The following EXOC6B variants were observed in gnomAD, a reference collection of about 807,000 sequenced individuals.
EXOC6B encodes SEC15 homolog B.
A neutral mutation model predicts 113.5 loss-of-function variants in EXOC6B; 54 were observed. The ratio of observed to expected loss-of-function variants is 0.48; its 90% CI spans 0.38 to 0.60. EXOC6B has a LOEUF of 0.60. Among genes scored for constraint, EXOC6B ranks in the 20% least tolerant of loss-of-function variants. The pLI is 0.00. For synonymous variants in EXOC6B, 357 were observed against 339.0 expected, an observed-to-expected ratio of 1.05 and a Z score of -0.58; for missense variants, 797 against 977.5, an observed-to-expected ratio of 0.82 and a Z score of 2.46.
At chr2:72,246,314 A>G (rs1428092583) in intron 20 of EXOC6B, among the ~76,000 whole-genome samples, 2 of 152,116 alleles carry the variant, frequency 1.3e-5, no homozygotes, top group Non-Finnish European at 2.9e-5. Flanking sequence ...TTCCCCTTTC[A>G]TAGAATCCAA....
intron 20 of EXOC6B, among the ~76,000 whole-genome samples, chr2:72,235,119 T>C (rs956033831): frequency 6.6e-6 from 1 of 152,192 alleles, no homozygotes; most frequent in African/African-American, 2.4e-5. Context: ...GCAGCACTAT[T>C]CACAATAACA....
rs369730740 is a variant in EXOC6B at position 72,378,273 on chromosome 2, T to G, written c.2122+1456A>C. 1.2e-3 allele frequency among the ~76,000 whole-genome samples: 180 copies of G among 152,314 alleles called. 2 individuals carry two copies. Among genetic ancestry groups the G allele is most frequent in the African/African-American group, 4.2e-3 (174 of 41,570 alleles). On this transcript the variant is annotated intron_variant, in intron 19 of 21. Transcript: ENST00000272427. Reference sequence around the variant, plus strand: ...TAGAACTACTTCTTTGAACAACTCCTTGCTCTCTGGTACCTTGCTCCACCA... The same window carrying G: ...TAGAACTACTTCTTTGAACAACTCCGTGCTCTCTGGTACCTTGCTCCACCA...
chr2:72,401,564 T>TATATATATATAC (rs1693232067), intron 18 of EXOC6B, among the ~76,000 whole-genome samples: 2 of 25,684 alleles, frequency 7.8e-5, no homozygotes, highest in Non-Finnish European at 1.2e-4. Flanking sequence ...TATATATATA[T>TATATATATATAC]ACATATATAT....
intron 6 of EXOC6B, among the ~76,000 whole-genome samples, chr2:72,636,110 C>G (rs1412496673): frequency 6.6e-6 from 1 of 152,028 alleles, no homozygotes; most frequent in Non-Finnish European, 1.5e-5. Flanking sequence ...GCAGTTCCAG[C>G]TACTCAGGAG....
At chr2:72,307,257 G>A (rs777440842) in intron 20 of EXOC6B, among the ~76,000 whole-genome samples, 1 of 150,380 alleles carries the variant, frequency 6.6e-6, no homozygotes, top group Non-Finnish European at 1.5e-5. Flanking sequence ...CCCCTGCCTC[G>A]GCCTCCCGAG....
intron 20 of EXOC6B, among the ~76,000 whole-genome samples, chr2:72,267,842 C>G (rs1357166860): frequency 6.6e-6 from 1 of 152,038 alleles, no homozygotes; most frequent in Admixed American, 6.6e-5. Context: ...GTCATCTCAA[C>G]AAATAAAAAT....
At chr2:72,707,035 C>T (rs1000314141) in intron 6 of EXOC6B, among the ~76,000 whole-genome samples, 1 of 152,062 alleles carries the variant, frequency 6.6e-6, no homozygotes, top group Non-Finnish European at 1.5e-5. Context: ...GGGCCCCCTT[C>T]CAGCTCTCAA....
intron 1 of EXOC6B, among the ~76,000 whole-genome samples, chr2:72,810,828 C>G (rs145364767): frequency 7.4e-4 from 112 of 152,146 alleles, no homozygotes; most frequent in African/African-American, 2.6e-3. Flanking sequence ...CTGAGGCTGG[C>G]AGATCACTTG....
intron 20 of EXOC6B, among the ~76,000 whole-genome samples, chr2:72,204,161 T>G (rs1441086855): frequency 6.6e-6 from 1 of 152,204 alleles, no homozygotes; most frequent in African/African-American, 2.4e-5. Context: ...TTTGTCTTAT[T>G]AGTGTTCAGC....
At chr2:72,753,900 A>T (rs1211599657) in intron 1 of EXOC6B, among the ~76,000 whole-genome samples, 1 of 152,120 alleles carries the variant, frequency 6.6e-6, no homozygotes, top group Non-Finnish European at 1.5e-5. Flanking sequence ...TACAACTACT[A>T]TAACCTGATA....
rs1243414263 is a variant in EXOC6B at position 72,317,252 on chromosome 2, AAT to A, written c.2196+17693_2196+17694del. On this transcript the variant is annotated intron_variant, in intron 20 of 21. Coordinates refer to ENST00000272427, the MANE Select transcript of EXOC6B (RefSeq NM_015189.3). ...AAACAGATCAAGAGAAGTAAGAAAA[AAT>A]AGAGTTTCATACTTTGCAGAAATAA... 2.6e-5 allele frequency among the ~76,000 whole-genome samples: 4 copies of A among 152,218 alleles called. No homozygotes were observed. In the East Asian group the frequency reaches 5.8e-4, roughly 22 times the overall value.
chr2:72,629,854 T>C (rs187619637), intron 6 of EXOC6B, among the ~76,000 whole-genome samples: 75 of 152,296 alleles, frequency 4.9e-4, no homozygotes, highest in Admixed American at 7.9e-4. Context: ...ACCCACAACA[T>C]GCCATCCCCA....
intron 6 of EXOC6B, among the ~76,000 whole-genome samples, chr2:72,697,155 G>C (rs185425988): frequency 2.0e-5 from 3 of 150,920 alleles, no homozygotes; most frequent in Non-Finnish European, 4.4e-5. Flanking sequence ...TATAGATATG[G>C]GGTATACACA....
At chr2:72,433,195 G>T (rs1695649960) in intron 18 of EXOC6B, among the ~76,000 whole-genome samples, 1 of 152,082 alleles carries the variant, frequency 6.6e-6, no homozygotes, top group Admixed American at 6.6e-5. Flanking sequence ...TTTTTGTCAG[G>T]TTTGTCACAG....
chr2:72,307,859 A>G (rs925291001), intron 20 of EXOC6B, among the ~76,000 whole-genome samples: 1 of 152,190 alleles, frequency 6.6e-6, no homozygotes, highest in Non-Finnish European at 1.5e-5. Context: ...CTTGCATTCA[A>G]TAAAGGTTAA....
intron 2 of EXOC6B, among the ~76,000 whole-genome samples, chr2:72,735,956 A>G (rs1270109334): frequency 2.6e-5 from 4 of 151,766 alleles, no homozygotes; most frequent in Non-Finnish European, 4.4e-5. Context: ...AGGCTGAGGC[A>G]GCAGATCATT....
At chr2:72,741,053 G>C (rs527905244) in intron 2 of EXOC6B, among the ~76,000 whole-genome samples, 1 of 151,638 alleles carries the variant, frequency 6.6e-6, no homozygotes, top group South Asian at 2.1e-4. Context: ...GCAGTGAACC[G>C]AGATCGCACC....
In EXOC6B at chr2:72,464,894, T is replaced by C. The variant is rs1697940651; in HGVS notation, c.1980+266A>G. The C allele has an allele frequency of 1.1e-5, 5 of 467,062 alleles. No homozygotes were observed. The South Asian group carries it at 1.4e-4, about 14-fold the overall frequency. 28.9% of individuals were successfully genotyped at this position (467,062 alleles called of 1,614,324 possible). On this transcript the variant is annotated intron_variant, in intron 18 of 21. Transcript: ENST00000272427. Reference sequence around the variant, plus strand: ...TAATTCTACCAAGGCTTTTATATTGTCTTTGTACTAATTACCTTGAACATC... The same window carrying C: ...TAATTCTACCAAGGCTTTTATATTGCCTTTGTACTAATTACCTTGAACATC...
At chr2:72,563,518 C>A (rs1320738145) in intron 7 of EXOC6B, among the ~76,000 whole-genome samples, 2 of 151,394 alleles carry the variant, frequency 1.3e-5, no homozygotes, top group Non-Finnish European at 1.5e-5. Context: ...GTATAGATGA[C>A]AAAAAAGAGT....
Sources: gnomAD v4.1 joint callset for allele counts (sites outside exome capture counted in the v4.1 genomes callset) on GRCh38, gnomAD v4.1.1 for gene constraint, MANE v1.5 for transcripts, NCBI Gene and HGNC (gene_info 2026-07-23, HGNC 2026-07-21) for gene names.